LBR: variants seen among roughly 807,000 people sequenced by gnomAD.
LBR encodes lamin B receptor.
Under a neutral mutation model 74.3 loss-of-function variants are expected in LBR, and 28 were observed. The ratio of observed to expected loss-of-function variants is 0.38; its 90% confidence interval spans 0.28 to 0.52. The LOEUF is 0.52. LBR is among the 20% of genes least tolerant of loss of function. The pLI is 0.89. For synonymous variants in LBR, 228 were observed against 269.3 expected (o/e 0.85, Z 1.50); for missense variants, 717 against 760.3 (o/e 0.94, Z 0.67).
In LBR at chr1:225,403,315, T is replaced by C. The variant is rs935811502; in HGVS notation, c.1836A>G (p.Pro612=). ...YCQRVPYRIF[P]YIY ...AGCCAGAAGAGCATTAGTAGATGTA[T>C]GGAAATATACGGTAGGGCACACGCT... The change falls in exon 14 of 14, where the codon CCA becomes CCG. Residue 612 remains proline (P), a synonymous_variant. Transcript: ENST00000272163. 13 of 1,613,534 alleles carry C rather than the reference T, an allele frequency of 8.1e-6. No homozygotes were observed. Among genetic ancestry groups the C allele is most frequent in the African/African-American group, 1.3e-5 (1 of 74,778 alleles).
At chr1:225,419,895 A>T (rs2096124488) in intron 3 of LBR, 97 bp from the exon 4 acceptor site, 1 of 908,034 alleles carries the variant, frequency 1.1e-6, no homozygotes, top group Admixed American at 1.9e-5. Flanking sequence ...CAAGCAATAA[A>T]ACAGATTTTT....
At chr1:225,412,927 T>G (rs1328828024) in intron 7 of LBR, among the ~76,000 whole-genome samples, 2 of 152,164 alleles carry the variant, frequency 1.3e-5, no homozygotes, top group African/African-American at 4.8e-5. Context: ...AGACAAGAAG[T>G]GCAACCTGAA....
intron 10 of LBR, 33 bp downstream of exon 10, chr1:225,410,258 G>T: frequency 1.2e-6 from 2 of 1,612,796 alleles, no homozygotes; most frequent in South Asian, 2.2e-5. Context: ...AAAGCCATCT[G>T]ACTCCAAGGC....
chr1:225,422,044 G>T, intron 3 of LBR, 33 bp downstream of exon 3: 2 of 1,591,196 alleles, frequency 1.3e-6, no homozygotes, highest in South Asian at 2.2e-5. Flanking sequence ...TAAAGCGGAA[G>T]ACAAAAGGCT....
intron 13 of LBR, 32 bp downstream of exon 13, chr1:225,404,372 G>T (rs2096087107): frequency 1.9e-6 from 3 of 1,613,028 alleles, no homozygotes; most frequent in African/African-American, 1.3e-5. Context: ...GCGGCTAAAA[G>T]GGTCAAACTA....
rs985568984 is a variant in LBR, at chr1:225,403,094, G to A, written c.*209C>T. 2.8e-5 allele frequency: 16 copies of A among 561,842 alleles called. No homozygotes were observed. The highest frequency in any genetic ancestry group is 1.1e-4 in the South Asian group (5 of 45,838). 34.8% of individuals were successfully genotyped at this position (561,842 alleles called of 1,614,324 possible). On this transcript the variant is annotated 3_prime_UTR_variant, in exon 14 of 14. Transcript: ENST00000272163. ...AATGCAAATTCTCACATCCTTACTT[G>A]TATTTTTCCTATGTTAACTGTAAGT...
At chr1:225,408,081 T>C (rs2096096291) in intron 10 of LBR, among the ~76,000 whole-genome samples, 1 of 152,238 alleles carries the variant, frequency 6.6e-6, no homozygotes, top group African/African-American at 2.4e-5. Context: ...TGTATCACTG[T>C]TAACTATAGT....
rs766192708 is a variant in LBR, at chr1:225,404,530, T to C, written c.1565-4A>G. ...GAAGTATGAATGGTTTTTAAATCTATATAAAAATAAAAGTACATTTTTAAT... is the reference window on the plus strand; with the variant it reads ...GAAGTATGAATGGTTTTTAAATCTACATAAAAATAAAAGTACATTTTTAAT... On this transcript the variant is annotated splice_polypyrimidine_tract_variant and splice_region_variant and intron_variant, in intron 12 of 13. Transcript: ENST00000272163. 1.2e-5 allele frequency: 19 copies of C among 1,597,148 alleles called. No individual in the cohort carries two copies. The African/African-American group carries it at 2.3e-4, about 19-fold the overall frequency.
At chr1:225,405,690 T>A (rs1186292136) in intron 11 of LBR, among the ~76,000 whole-genome samples, 1 of 152,118 alleles carries the variant, frequency 6.6e-6, no homozygotes, top group Non-Finnish European at 1.5e-5. Context: ...CCAAATAAAT[T>A]TCATGACAAA....
intron 1 of LBR, among the ~76,000 whole-genome samples, chr1:225,426,453 G>A (rs910552701): frequency 1.3e-5 from 2 of 152,110 alleles, no homozygotes; most frequent in African/African-American, 4.8e-5. Context: ...GTCCTCATTC[G>A]CCATAAACAG....
chr1:225,406,797 A>G lies in LBR; in HGVS notation c.1350T>C (p.Asp450=), dbSNP rs146355121. The G allele has an allele frequency of 7.4e-6, 12 of 1,613,856 alleles. No individual in the cohort carries two copies. The African/African-American group carries it at 1.6e-4, about 22-fold the overall frequency. ...ALLTTMDIIH[D]GFGFMLAFGD... ...CAAAAGCCAGCATGAATCCAAATCC[A>G]TCGTGGATGATGTCCATGGTCGTCA... Residue 450 remains aspartate (D), a synonymous_variant, in exon 11 of 14, where the codon GAT becomes GAC. Coordinates refer to ENST00000272163, the MANE Select transcript of LBR (RefSeq NM_002296.4).
At chr1:225,427,149 C>T (rs1183790348) in intron 1 of LBR, among the ~76,000 whole-genome samples, 2 of 152,194 alleles carry the variant, frequency 1.3e-5, no homozygotes, top group East Asian at 3.9e-4. Context: ...CCGACCGGGC[C>T]CCGTAATCAC....
intron 9 of LBR, 126 bp from the exon 10 acceptor site, chr1:225,410,542 C>T (rs562281863): frequency 2.1e-6 from 2 of 937,376 alleles, no homozygotes; most frequent in Non-Finnish European, 3.4e-6. Flanking sequence ...TACCCGCCAC[C>T]AGGAATAAGA....
intron 1 of LBR, among the ~76,000 whole-genome samples, chr1:225,425,400 T>C (rs565719576): frequency 6.6e-6 from 1 of 152,088 alleles, no homozygotes; most frequent in Non-Finnish European, 1.5e-5. Flanking sequence ...ATTAACACAT[T>C]AGGTAAGAGA....
rs1558647563 is a variant in LBR at position 225,402,125 on chromosome 1, T to A, written c.*1178A>T. 1 of 152,188 alleles carries A rather than the reference T, an allele frequency of 6.6e-6. No homozygotes were observed. Among genetic ancestry groups the A allele is most frequent in the Non-Finnish European group, 1.5e-5 (1 of 68,028 alleles). 9.4% of individuals were successfully genotyped at this position (152,188 alleles called of 1,614,324 possible). ...GCTAAAGCTACCTTATGCACATCTA[T>A]TAAACTAAAAGAAACGACTTTAACC... On this transcript the variant is annotated 3_prime_UTR_variant, in exon 14 of 14. Coordinates refer to ENST00000272163, the MANE Select transcript of LBR (RefSeq NM_002296.4).
intron 11 of LBR, among the ~76,000 whole-genome samples, chr1:225,405,582 T>C (rs929162137): frequency 2.6e-5 from 4 of 150,994 alleles, no homozygotes; most frequent in Non-Finnish European, 5.9e-5. Context: ...TCACTCTCTC[T>C]TGTCCTTCCA....
rs904022628 is a variant in LBR, at chr1:225,401,808, G to C, written c.*1495C>G. On this transcript the variant is annotated 3_prime_UTR_variant, in exon 14 of 14. Transcript: ENST00000272163. The stretch of plus-strand genomic sequence containing the variant: ...TAAAACAATGACAATTTCACTAAAA[G>C]AATGTTTAAAGACTACCGGATGCTG... The C allele has an allele frequency of 6.6e-6, 1 of 152,216 alleles. No individual in the cohort carries two copies. 9.4% of individuals were successfully genotyped at this position (152,216 alleles called of 1,614,324 possible). A position where few individuals can be genotyped will look rare whatever the true frequency, so the allele number is the denominator to read the frequency against.
Position 225,415,329 on chromosome 1 carries a change from C to A in LBR, c.841G>T (p.Val281Leu). The change falls in exon 7 of 14, where the codon GTA (valine) becomes TTA (leucine). Residue 281 changes from valine (V) to leucine (L), a missense_variant. By Grantham distance (32) the Val-to-Leu change is conservative. Coordinates refer to ENST00000272163, the MANE Select transcript of LBR (RefSeq NM_002296.4). ...CCATCAATAAGAGGCGTTCCTTCTA[C>A]AACCTTAAAAGAAAAAAAATTTACA... The part of the protein sequence containing the change: ...LFYLLPIGKV[V>L]EGTPLIDGRR... 1 of 1,585,502 alleles carries A rather than the reference C, an allele frequency of 6.3e-7. No individual in the cohort carries two copies. The highest frequency in any genetic ancestry group is 8.6e-7 in the Non-Finnish European group (1 of 1,157,354).
chr1:225,424,664 C>T (rs1361049918), intron 1 of LBR, among the ~76,000 whole-genome samples: 1 of 152,174 alleles, frequency 6.6e-6, no homozygotes, highest in African/African-American at 2.4e-5. Flanking sequence ...ACTCTGCCAA[C>T]CACCCACCTA....
Sources: allele counts gnomAD v4.1 joint callset (sites outside exome capture counted in the v4.1 genomes callset), GRCh38; gene constraint gnomAD v4.1.1; transcripts MANE v1.5; gene names NCBI Gene and HGNC (gene_info 2026-07-23, HGNC 2026-07-21).